AP4E1: variants seen among roughly 807,000 people sequenced by gnomAD.
AP4E1 encodes AP-4 complex subunit epsilon-1.
AP4E1 carries 56 observed loss-of-function variants against 128.2 expected under a neutral mutation model. The ratio of observed to expected loss-of-function variants is 0.44; its 90% confidence interval spans 0.35 to 0.55. The LOEUF (loss-of-function observed/expected upper bound fraction) is 0.55. AP4E1 is among the 20% of genes least tolerant of loss of function. The probability of loss-of-function intolerance (pLI) is 0.00; values close to 1 mark genes in which losing one functional copy is unlikely to be tolerated. For synonymous variants in AP4E1, 484 were observed against 473.1 expected (o/e 1.02, Z -0.30); for missense variants, 1,324 against 1,307.7 (o/e 1.01, Z -0.19).
intron 13 of AP4E1, among the ~76,000 whole-genome samples, chr15:50,950,886 C>T (rs2064139431): frequency 6.6e-6 from 1 of 152,140 alleles, no homozygotes. Context: ...TTTTCTGTTC[C>T]TGCATTAGTT....
intron 11 of AP4E1, among the ~76,000 whole-genome samples, chr15:50,948,822 A>G (rs926928008): frequency 6.6e-6 from 1 of 151,904 alleles, no homozygotes; most frequent in Non-Finnish European, 1.5e-5. Flanking sequence ...AAAATACAAA[A>G]TTAGCCGGGC....
Position 50,929,079 on chromosome 15 carries a change from C to G in AP4E1, c.613C>G (p.His205Asp). 6.2e-7 allele frequency: 1 copy of G among 1,613,778 alleles called. No individual in the cohort carries two copies. Among genetic ancestry groups the G allele is most frequent in the South Asian group, 1.1e-5 (1 of 91,078 alleles). ...TCTCATTGCTCCTAATCAAGTACAA[C>G]ATATTCATATTAAGTTTCGGAAAGC... ...FHLIAPNQVQ[H>D]IHIKFRKALC... The change falls in exon 6 of 21, where the codon CAT becomes GAT. Residue 205 changes from histidine to aspartate, a missense_variant. Physicochemically the swap from His to Asp is moderately conservative, Grantham distance 81. Transcript: ENST00000261842.
chr15:50,961,911 G>GATACAAAAATCAAC (rs1478067032), intron 14 of AP4E1, among the ~76,000 whole-genome samples: 1 of 150,970 alleles, frequency 6.6e-6, no homozygotes, highest in African/African-American at 2.4e-5. Flanking sequence ...AAAGATCCAG[G>GATACAAAAATCAAC]ATACAAAAAT....
intron 14 of AP4E1, among the ~76,000 whole-genome samples, chr15:50,961,487 C>T (rs182585739): frequency 1.3e-5 from 2 of 151,944 alleles, no homozygotes; most frequent in Admixed American, 6.6e-5. Context: ...TTCACATTAA[C>T]GGAATAAAGG....
intron 11 of AP4E1, among the ~76,000 whole-genome samples, chr15:50,949,009 A>T (rs2064107858): frequency 6.6e-6 from 1 of 152,130 alleles, no homozygotes; most frequent in Admixed American, 6.5e-5. Context: ...AATTATAAAA[A>T]AGAGTGAGTG....
chr15:50,941,356 ATTAG>A, intron 8 of AP4E1, 82 bp from the exon 9 acceptor site: 1 of 1,459,328 alleles, frequency 6.9e-7, no homozygotes, highest in Non-Finnish European at 9.5e-7. Flanking sequence ...GGACTTTCCA[ATTAG>A]TTTTATTACA....
rs1422264384 is a variant in AP4E1 at position 50,922,059 on chromosome 15, C to T, written c.347-1872C>T. 2.0e-5 allele frequency among the ~76,000 whole-genome samples: 3 copies of T among 150,776 alleles called. No homozygotes were observed. The East Asian group carries it at 5.9e-4, about 30-fold the overall frequency. On this transcript the variant is annotated intron_variant, in intron 3 of 20. Coordinates refer to ENST00000261842, the MANE Select transcript of AP4E1 (RefSeq NM_007347.5). ...CTTTCTGGGGGCCTGGGTGTGGTGG[C>T]TCACTCCTGTAATCCCAGCACTTTG...
Position 50,923,916 on chromosome 15 carries a change from C to T in AP4E1, c.347-15C>T, listed in dbSNP as rs760880865. The T allele has an allele frequency of 6.2e-7, 1 of 1,602,220 alleles. No homozygotes were observed. The highest frequency in any genetic ancestry group is 8.5e-7 in the Non-Finnish European group (1 of 1,170,094). ...TTGGTAGTTAGTAATCAGACTTTTC[C>T]CTCAACTTTTATAGGTTATTTGGCT... On this transcript the variant is annotated splice_polypyrimidine_tract_variant and intron_variant, in intron 3 of 20. Transcript: ENST00000261842.
intron 7 of AP4E1, among the ~76,000 whole-genome samples, chr15:50,932,900 A>C (rs2063853087): frequency 6.6e-6 from 1 of 152,214 alleles, no homozygotes; most frequent in Non-Finnish European, 1.5e-5. Flanking sequence ...ATGCCAGCCT[A>C]TCCTAACGTG....
chr15:50,988,385 A>G (rs11632971), intron 16 of AP4E1, among the ~76,000 whole-genome samples: 91,816 of 151,664 alleles, frequency 0.61, 27,950 homozygotes, highest in Non-Finnish European at 0.63. Context: ...CATGATCTCG[A>G]TTCACTGCAA....
chr15:50,999,978 TG>T (rs2064938513), intron 19 of AP4E1, among the ~76,000 whole-genome samples: 1 of 151,646 alleles, frequency 6.6e-6, no homozygotes, highest in African/African-American at 2.4e-5. Flanking sequence ...ATATCTTACC[TG>T]CTCTAATTTT....
intron 15 of AP4E1, among the ~76,000 whole-genome samples, chr15:50,974,872 TA>T (rs74782084): frequency 0.013 from 1,951 of 145,604 alleles, 16 homozygotes; most frequent in African/African-American, 0.025. Context: ...GGTTATTAGT[TA>T]AAAAAAAAAA....
At chr15:50,960,375 A>G (rs1451486893) in intron 14 of AP4E1, among the ~76,000 whole-genome samples, 2 of 152,184 alleles carry the variant, frequency 1.3e-5, no homozygotes, top group African/African-American at 2.4e-5. Context: ...ATGTTAGGCC[A>G]CAAAAAAGTC....
At position 50,987,778 on chromosome 15, in the gene AP4E1, A is replaced by G. The variant is rs2064748843; in HGVS notation, c.2090+3633A>G. On this transcript the variant is annotated intron_variant, in intron 16 of 20. Coordinates refer to ENST00000261842, the MANE Select transcript of AP4E1 (RefSeq NM_007347.5). The stretch of plus-strand genomic sequence containing the variant: ...CACACTTGTGACAATGTGTTTTAAT[A>G]TAATGGTTTAGAAAGGTTTTTAAAA... Among the ~76,000 whole-genome samples, 3 of 152,292 alleles carry G rather than the reference A, an allele frequency of 2.0e-5. 1 individual carries two copies. In the South Asian group the frequency reaches 6.2e-4, roughly 32 times the overall value.
In AP4E1 at chr15:50,976,923, T is replaced by A. The variant is rs1052436660; in HGVS notation, c.1967-7099T>A. 3.3e-5 allele frequency among the ~76,000 whole-genome samples: 5 copies of A among 152,184 alleles called. No individual in the cohort carries two copies. In the East Asian group the frequency reaches 9.6e-4, roughly 29 times the overall value. On this transcript the variant is annotated intron_variant, in intron 15 of 20. Coordinates refer to ENST00000261842, the MANE Select transcript of AP4E1 (RefSeq NM_007347.5). ...CTGTGTTCATGGATTGGAAAGTACA[T>A]GTATTCTGTGCAATCCCTTTCTTTT...
At chr15:50,950,229 A>G in intron 13 of AP4E1, 60 bp downstream of exon 13, 2 of 1,209,576 alleles carry the variant, frequency 1.7e-6, no homozygotes, top group African/African-American at 1.5e-5. Flanking sequence ...ACCAAATGTT[A>G]ACATATTTTC....
intron 15 of AP4E1, among the ~76,000 whole-genome samples, chr15:50,977,937 G>A (rs1242414769): frequency 6.6e-6 from 1 of 152,012 alleles, no homozygotes; most frequent in Non-Finnish European, 1.5e-5. Context: ...TCAAATTCCT[G>A]ACCTCAAGTG....
At chr15:50,933,615 G>T (rs1250583880) in intron 7 of AP4E1, among the ~76,000 whole-genome samples, 3 of 152,008 alleles carry the variant, frequency 2.0e-5, no homozygotes, top group South Asian at 2.1e-4. Flanking sequence ...CTGCTGTATG[G>T]TTATCTTCTG....
Position 50,930,901 on chromosome 15 carries a change from A to G in AP4E1, c.799A>G (p.Ser267Gly), listed in dbSNP as rs766891646. 2 of 1,614,028 alleles carry G rather than the reference A, an allele frequency of 1.2e-6. No homozygotes were observed. The highest frequency in any genetic ancestry group is 1.7e-6 in the Non-Finnish European group (2 of 1,180,016). ...GCTCCCAGTAGAATTCAATTACCACAGTGTGCCAGCACCATGGTTACAAAT... is the reference window on the plus strand; with the variant it reads ...GCTCCCAGTAGAATTCAATTACCACGGTGTGCCAGCACCATGGTTACAAAT... ...GKLPVEFNYH[S>G]VPAPWLQIQL... Residue 267 changes from serine (S) to glycine (G), a missense_variant, in exon 7 of 21, where the codon AGT (serine) becomes GGT (glycine). By Grantham distance (56) the Ser-to-Gly change is moderately conservative. Coordinates refer to ENST00000261842, the MANE Select transcript of AP4E1 (RefSeq NM_007347.5).
Sources: gnomAD v4.1 joint callset for allele counts (sites outside exome capture counted in the v4.1 genomes callset) on GRCh38, gnomAD v4.1.1 for gene constraint, MANE v1.5 for transcripts, NCBI Gene and HGNC (gene_info 2026-07-23, HGNC 2026-07-21) for gene names.